OR11H4: variants seen among roughly 807,000 people sequenced by gnomAD.
OR11H4 encodes olfactory receptor 11H4.
For missense variants in OR11H4, 460 were observed against 371.1 expected, an observed-to-expected ratio of 1.24 and a Z score of -1.97; for synonymous variants, 162 against 142.3, an observed-to-expected ratio of 1.14 and a Z score of -0.98.
Position 20,243,133 on chromosome 14 carries a change from C to A in OR11H4, c.312C>A (p.Phe104Leu). 2 of 1,614,194 alleles carry A rather than the reference C, an allele frequency of 1.2e-6. No homozygotes were observed. The highest frequency in any genetic ancestry group is 1.7e-6 in the Non-Finnish European group (2 of 1,180,040). Reference protein sequence around the residue: ...FSGCFLQFYFFFSLGTTECLF... With the variant: ...FSGCFLQFYFLFSLGTTECLF... ...GGTGCTTCCTCCAGTTCTATTTCTT[C>A]TTTTCACTGGGAACAACTGAATGTC... The change falls in exon 2 of 2, where the codon TTC becomes TTA. Residue 104 changes from phenylalanine (F) to leucine (L), a missense_variant. Coordinates refer to ENST00000641082, the MANE Select transcript of OR11H4 (RefSeq NM_001004479.2).
chr14:20,239,693 GA>G (rs939588522), intron 1 of OR11H4, among the ~76,000 whole-genome samples: 5 of 145,202 alleles, frequency 3.4e-5, no homozygotes, highest in East Asian at 2.0e-4. Flanking sequence ...GACTGTCTCA[GA>G]AAAAAAAAAG....
In OR11H4 at chr14:20,243,405, C is replaced by A. The variant is rs1446690848; in HGVS notation, c.584C>A (p.Thr195Asn). 6.2e-7 allele frequency: 1 copy of A among 1,614,018 alleles called. No homozygotes were observed. The highest frequency in any genetic ancestry group is 2.2e-5 in the East Asian group (1 of 44,868). ...MALSCAPAPI[T>N]ECIFYTQSSL... ...CTATCCTGTGCCCCAGCTCCCATAA[C>A]TGAATGTATTTTCTATACTCAGAGC... The change falls in exon 2 of 2, where the codon ACT (threonine) becomes AAT (asparagine). Residue 195 changes from threonine to asparagine, a missense_variant. Coordinates refer to ENST00000641082, the MANE Select transcript of OR11H4 (RefSeq NM_001004479.2).
chr14:20,242,777 A>T (rs771806664), intron 1 of OR11H4, 34 bp from the exon 2 acceptor site: 1 of 1,600,154 alleles, frequency 6.2e-7, no homozygotes, highest in East Asian at 2.2e-5. Context: ...ACTCCAAGAG[A>T]CTTGGATTAC....
At position 20,244,016 on chromosome 14, in the gene OR11H4, C is replaced by T. The variant is rs112549741; in HGVS notation, c.*250C>T. 2.3e-3 allele frequency: 772 copies of T among 342,174 alleles called. 11 individuals carry two copies. The highest frequency in any genetic ancestry group is 0.015 in the African/African-American group (703 of 47,736). The allele number at this position is 342,174 out of a possible 1,614,324, so 21.2% of individuals were successfully genotyped here. A position where few individuals can be genotyped will look rare whatever the true frequency, so the allele number is the denominator to read the frequency against. Reference sequence around the variant, plus strand: ...TAAAATGGAATTTCTACATGAGATGCCCTCCTGCTGACATGCCCCATGGTT... The same window carrying T: ...TAAAATGGAATTTCTACATGAGATGTCCTCCTGCTGACATGCCCCATGGTT... On this transcript the variant is annotated 3_prime_UTR_variant, in exon 2 of 2. Transcript: ENST00000641082.
chr14:20,243,827 CT>C lies in OR11H4; in HGVS notation c.*64del. 1 of 1,485,944 alleles carries C rather than the reference CT, an allele frequency of 6.7e-7. No individual in the cohort carries two copies. The highest frequency in any genetic ancestry group is 1.4e-5 in the African/African-American group (1 of 71,348). 92.0% of individuals were successfully genotyped at this position (1,485,944 alleles called of 1,614,324 possible). A position where few individuals can be genotyped will look rare whatever the true frequency, so the allele number is the denominator to read the frequency against. ...GAACAAGGTCGAGATGTTGTCAGTT[CT>C]TTAGCAGTCTTTCAGTCCTCAGTCT... On this transcript the variant is annotated 3_prime_UTR_variant, in exon 2 of 2. Transcript: ENST00000641082.
chr14:20,242,907 C>A lies in OR11H4; in HGVS notation c.86C>A (p.Ser29Ter). The A allele has an allele frequency of 6.2e-7, 1 of 1,614,148 alleles. No individual in the cohort carries two copies. The highest frequency in any genetic ancestry group is 8.5e-7 in the Non-Finnish European group (1 of 1,180,022). ...GCWKIQIFLF[S>*]LFLVIYVLTL... ...TGGAAGATTCAGATTTTCCTCTTCT[C>A]ATTGTTTTTGGTGATTTATGTCTTG... Residue 29 changes from serine (S) to a stop codon, truncating the protein, a stop_gained, in exon 2 of 2, where the codon TCA (serine) becomes TAA (stop). Coordinates refer to ENST00000641082, the MANE Select transcript of OR11H4 (RefSeq NM_001004479.2). LOFTEE classifies it low-confidence loss of function (END_TRUNC).
At chr14:20,242,597 G>T in intron 1 of OR11H4, 1 of 588,912 alleles carries the variant, frequency 1.7e-6, no homozygotes, top group African/African-American at 1.9e-5. Flanking sequence ...AATTCTAGCT[G>T]CATTGGATTG....
At position 20,242,845 on chromosome 14, in the gene OR11H4, C is replaced by A. The variant is rs199984127; in HGVS notation, c.24C>A (p.Ile8=). 6.2e-7 allele frequency: 1 copy of A among 1,613,862 alleles called. No individual in the cohort carries two copies. Among genetic ancestry groups the A allele is most frequent in the Admixed American group, 1.7e-5 (1 of 60,004 alleles). The change falls in exon 2 of 2, where the codon ATC becomes ATA. Residue 8 remains isoleucine (I), a synonymous_variant. Transcript: ENST00000641082. The part of the protein sequence containing the change: MNRSATH[I]VTEFILLGFP... The stretch of plus-strand genomic sequence containing the variant: ...CCATGAACAGGTCAGCAACACACAT[C>A]GTGACAGAGTTTATTCTCCTGGGAT...
At chr14:20,241,592 T>A (rs1038346747) in intron 1 of OR11H4, among the ~76,000 whole-genome samples, 2 of 152,184 alleles carry the variant, frequency 1.3e-5, no homozygotes, top group African/African-American at 2.4e-5. Flanking sequence ...CTGTGGGTAT[T>A]TCTGGTCTGG....
At chr14:20,239,556 T>C (rs906806247) in intron 1 of OR11H4, among the ~76,000 whole-genome samples, 42 of 151,808 alleles carry the variant, frequency 2.8e-4, no homozygotes, top group African/African-American at 9.7e-4. Context: ...TAGCCGGGCG[T>C]GATGGCGGGC....
rs1205915907 is a variant in OR11H4, at chr14:20,243,424, T to C, written c.603T>C (p.Thr201=). 1.2e-6 allele frequency: 2 copies of C among 1,613,784 alleles called. No individual in the cohort carries two copies. Among genetic ancestry groups the C allele is most frequent in the Non-Finnish European group, 1.7e-6 (2 of 1,179,850 alleles). Residue 201 remains threonine (T), a synonymous_variant, in exon 2 of 2, where the codon ACT becomes ACC. Coordinates refer to ENST00000641082, the MANE Select transcript of OR11H4 (RefSeq NM_001004479.2). The stretch of plus-strand genomic sequence containing the variant: ...CCATAACTGAATGTATTTTCTATAC[T>C]CAGAGCTCCCTTGTCCTCTTTTTCA... ...PAPITECIFY[T]QSSLVLFFTS...
Position 20,243,593 on chromosome 14 carries a change from A to G in OR11H4, c.772A>G (p.Met258Val). The stretch of plus-strand genomic sequence containing the variant: ...TCTTTTCTATGGGACAGTCATGGTA[A>G]TGTATGTAAGTCCTACATATGGGAT... ...VSLFYGTVMVMYVSPTYGIPT... is the reference protein window; with the variant it reads ...VSLFYGTVMVVYVSPTYGIPT... Residue 258 changes from methionine to valine, a missense_variant, in exon 2 of 2, where the codon ATG (methionine) becomes GTG (valine). By Grantham distance (21) the Met-to-Val change is conservative. Transcript: ENST00000641082. 1 of 1,613,622 alleles carries G rather than the reference A, an allele frequency of 6.2e-7. No homozygotes were observed. The highest frequency in any genetic ancestry group is 1.7e-5 in the Admixed American group (1 of 59,994).
rs767608709 is a variant in OR11H4, at chr14:20,243,380, C to A, written c.559C>A (p.Leu187Ile). 4 of 1,614,160 alleles carry A rather than the reference C, an allele frequency of 2.5e-6. No homozygotes were observed. The South Asian group carries it at 4.4e-5, about 18-fold the overall frequency. ...GTGTGACATGGACCCATTGATGGCT[C>A]TATCCTGTGCCCCAGCTCCCATAAC... ...FLCDMDPLMA[L>I]SCAPAPITEC... Residue 187 changes from leucine to isoleucine, a missense_variant, in exon 2 of 2, where the codon CTA becomes ATA. By Grantham distance (5) the Leu-to-Ile change is conservative. Coordinates refer to ENST00000641082, the MANE Select transcript of OR11H4 (RefSeq NM_001004479.2).
At chr14:20,239,551 G>A (rs1279382816) in intron 1 of OR11H4, among the ~76,000 whole-genome samples, 5 of 152,022 alleles carry the variant, frequency 3.3e-5, no homozygotes, top group Admixed American at 1.3e-4. Context: ...AAAATTAGCC[G>A]GGCGTGATGG....
Position 20,243,616 on chromosome 14 carries a change from G to A in OR11H4, c.795G>A (p.Gly265=). The change falls in exon 2 of 2, where the codon GGG becomes GGA. Residue 265 remains glycine, a synonymous_variant. Transcript: ENST00000641082. ...VMVMYVSPTY[G]IPTLLQKILT... ...TAATGTATGTAAGTCCTACATATGG[G>A]ATCCCAACTTTATTGCAGAAGATCC... 3.1e-6 allele frequency: 5 copies of A among 1,614,034 alleles called. No individual in the cohort carries two copies. The highest frequency in any genetic ancestry group is 4.2e-6 in the Non-Finnish European group (5 of 1,179,964).
At position 20,243,978 on chromosome 14, in the gene OR11H4, T is replaced by A. The variant is rs1881003294; in HGVS notation, c.*212T>A. 2.4e-6 allele frequency: 1 copy of A among 424,710 alleles called. No homozygotes were observed. The highest frequency in any genetic ancestry group is 4.1e-6 in the Non-Finnish European group (1 of 242,618). The allele number at this position is 424,710 out of a possible 1,614,324, so 26.3% of individuals were successfully genotyped here. On this transcript the variant is annotated 3_prime_UTR_variant, in exon 2 of 2. Transcript: ENST00000641082. ...CACTTAAAAGTTTTCAAAGCCTGTC[T>A]TTATTAGAATGATAAAATGGAATTT...
intron 1 of OR11H4, 46 bp from the exon 2 acceptor site, chr14:20,242,765 A>G: frequency 1.3e-6 from 2 of 1,584,716 alleles, no homozygotes; most frequent in Non-Finnish European, 1.7e-6. Flanking sequence ...CAATTGGATT[A>G]CACTCCAAGA....
intron 1 of OR11H4, among the ~76,000 whole-genome samples, chr14:20,240,032 C>G (rs181885386): frequency 3.3e-5 from 5 of 152,208 alleles, no homozygotes; most frequent in Admixed American, 3.3e-4. Flanking sequence ...AAAGCACTTG[C>G]AGAGTAGGGT....
chr14:20,243,562 G>C lies in OR11H4; in HGVS notation c.741G>C (p.Val247=), dbSNP rs1200813701. Residue 247 remains valine (V), a synonymous_variant, in exon 2 of 2, where the codon GTG becomes GTC. Transcript: ENST00000641082. The part of the protein sequence containing the change: ...AFSTCGSHLV[V]VSLFYGTVMV... Reference sequence around the variant, plus strand: ...CTACCTGTGGTTCTCATTTGGTTGTGGTATCTCTTTTCTATGGGACAGTCA... The same window carrying C: ...CTACCTGTGGTTCTCATTTGGTTGTCGTATCTCTTTTCTATGGGACAGTCA... 4 of 1,613,268 alleles carry C rather than the reference G, an allele frequency of 2.5e-6. No homozygotes were observed. Among genetic ancestry groups the C allele is most frequent in the Admixed American group, 3.3e-5 (2 of 59,816 alleles).
Sources: gnomAD v4.1 joint callset for allele counts (sites outside exome capture counted in the v4.1 genomes callset) on GRCh38, gnomAD v4.1.1 for gene constraint, MANE v1.5 for transcripts, NCBI Gene and HGNC (gene_info 2026-07-23, HGNC 2026-07-21) for gene names.